The following SPICE1 variants were observed in gnomAD, a reference collection of about 807,000 sequenced individuals.
The protein encoded by SPICE1 is spindle and centriole associated protein 1.
Under a neutral mutation model 102.7 loss-of-function variants are expected in SPICE1, and 75 were observed. The ratio of observed to expected loss-of-function variants is 0.73; its 90% confidence interval spans 0.61 to 0.88. SPICE1 has a LOEUF of 0.88. Among genes scored for constraint, SPICE1 ranks in the 40% least tolerant of loss-of-function variants. SPICE1 has a pLI of 0.00. For missense variants in SPICE1, 979 were observed against 1,020.1 expected, an observed-to-expected ratio of 0.96 and a Z score of 0.55; for synonymous variants, 308 against 350.3, an observed-to-expected ratio of 0.88 and a Z score of 1.35.
chr3:113,475,866 AAC>A (rs1936331909), intron 7 of SPICE1, among the ~76,000 whole-genome samples: 1 of 151,858 alleles, frequency 6.6e-6, no homozygotes, highest in Admixed American at 6.6e-5. Flanking sequence ...TCCCTTTGAA[AAC>A]TGGCACAAGA....
At chr3:113,508,601 GACA>G (rs1468541968) in intron 1 of SPICE1, among the ~76,000 whole-genome samples, 1 of 152,124 alleles carries the variant, frequency 6.6e-6, no homozygotes, top group Non-Finnish European at 1.5e-5. Flanking sequence ...CAAAAAGACG[GACA>G]ACAACAAGCA....
Position 113,443,930 on chromosome 3 carries a change from T to C in SPICE1, c.*1377A>G, listed in dbSNP as rs1432151912. On this transcript the variant is annotated 3_prime_UTR_variant, in exon 18 of 18. Coordinates refer to ENST00000295872, the MANE Select transcript of SPICE1 (RefSeq NM_144718.4). Reference sequence around the variant, plus strand: ...TTTGTTTACAGCATAAGAATGATTATATGATAACTGTGGATGTTGTTATCA... The same window carrying C: ...TTTGTTTACAGCATAAGAATGATTACATGATAACTGTGGATGTTGTTATCA... 1 of 152,246 alleles carries C rather than the reference T, an allele frequency of 6.6e-6. No homozygotes were observed. The highest frequency in any genetic ancestry group is 1.5e-5 in the Non-Finnish European group (1 of 68,044). The allele number at this position is 152,246 out of a possible 1,614,324, so 9.4% of individuals were successfully genotyped here. A position where few individuals can be genotyped will look rare whatever the true frequency, so the allele number is the denominator to read the frequency against.
rs145303146 is a variant in SPICE1, at chr3:113,449,995, G to T, written c.2323+341C>A. The T allele has an allele frequency of 8.7e-5, 18 of 206,956 alleles. 1 individual carries two copies. The highest frequency in any genetic ancestry group is 1.9e-3 in the Middle Eastern group (1 of 514). 12.8% of individuals were successfully genotyped at this position (206,956 alleles called of 1,614,324 possible). ...TAATAACTTGTAATTCATTGCTGAT[G>T]AAATTCTAAATGAACATTCAGATAT... On this transcript the variant is annotated intron_variant, in intron 15 of 17. Coordinates refer to ENST00000295872, the MANE Select transcript of SPICE1 (RefSeq NM_144718.4).
At chr3:113,481,078 A>G (rs543755593) in intron 7 of SPICE1, among the ~76,000 whole-genome samples, 5 of 152,250 alleles carry the variant, frequency 3.3e-5, no homozygotes, top group South Asian at 2.1e-4. Context: ...AAAGAAACCA[A>G]TTAGAGGTGA....
chr3:113,457,918 T>A (rs1048452195), intron 12 of SPICE1, among the ~76,000 whole-genome samples: 1 of 152,162 alleles, frequency 6.6e-6, no homozygotes, highest in Non-Finnish European at 1.5e-5. Flanking sequence ...TTAATGGTCA[T>A]CACAAGTAAC....
rs765353630 is a variant in SPICE1, at chr3:113,499,447, T to C, written c.283A>G (p.Met95Val). 1 of 1,612,668 alleles carries C rather than the reference T, an allele frequency of 6.2e-7. No individual in the cohort carries two copies. The highest frequency in any genetic ancestry group is 8.5e-7 in the Non-Finnish European group (1 of 1,179,664). ...ATGCAGTTTAGCATTACCTCCTTCA[T>C]GATAGACAATCTTCTTTTCTCAAGA... ...LNLEKRRLSI[M>V]KEILSDQYQM... The change falls in exon 4 of 18, where the codon ATG (methionine) becomes GTG (valine). Residue 95 changes from methionine to valine, a missense_variant. Met to Val is a conservative substitution (Grantham distance 21, BLOSUM62 1). Transcript: ENST00000295872.
At chr3:113,509,367 C>T (rs747503281) in intron 1 of SPICE1, among the ~76,000 whole-genome samples, 1 of 151,996 alleles carries the variant, frequency 6.6e-6, no homozygotes, top group Non-Finnish European at 1.5e-5. Context: ...CATAAAATGT[C>T]AGTATACCTA....
At chr3:113,503,823 C>T (rs1384221950) in intron 2 of SPICE1, among the ~76,000 whole-genome samples, 2 of 151,328 alleles carry the variant, frequency 1.3e-5, no homozygotes, top group Admixed American at 1.3e-4. Context: ...ATTCCAGCTA[C>T]TCAGGAGGCT....
At position 113,457,136 on chromosome 3, in the gene SPICE1, C is replaced by G. The variant is rs748406693; in HGVS notation, c.1657G>C (p.Val553Leu). Reference sequence around the variant, plus strand: ...CATGTAACTTTAGAAGAAGACTTACCGTCCTGAAGAGGAGAGAATTTTAAG... The same window carrying G: ...CATGTAACTTTAGAAGAAGACTTACGGTCCTGAAGAGGAGAGAATTTTAAG... ...SNLKFSPLQD[V>L]LRRTVQTRPA... The change falls in exon 13 of 18, where the codon GTA (valine) becomes CTA (leucine). Residue 553 changes from valine to leucine, a missense_variant and splice_region_variant. By Grantham distance (32) the Val-to-Leu change is conservative (BLOSUM62 1). Transcript: ENST00000295872. 1 of 1,612,322 alleles carries G rather than the reference C, an allele frequency of 6.2e-7. No homozygotes were observed. Among genetic ancestry groups the G allele is most frequent in the Non-Finnish European group, 8.5e-7 (1 of 1,178,946 alleles).
intron 7 of SPICE1, among the ~76,000 whole-genome samples, chr3:113,478,244 AAAG>A (rs1349331981): frequency 6.6e-6 from 1 of 152,144 alleles, no homozygotes; most frequent in African/African-American, 2.4e-5. Context: ...ACTTCAATTA[AAAG>A]AAGAATATTT....
intron 7 of SPICE1, among the ~76,000 whole-genome samples, chr3:113,488,634 C>A (rs761818333): frequency 6.6e-6 from 1 of 152,142 alleles, no homozygotes; most frequent in African/African-American, 2.4e-5. Context: ...GAATAAAAAA[C>A]TGCATATTGG....
chr3:113,489,847 CAAAAAAAAAAA>C (rs35823502), intron 6 of SPICE1, among the ~76,000 whole-genome samples: 1 of 80,190 alleles, frequency 1.2e-5, no homozygotes, highest in African/African-American at 4.3e-5. Flanking sequence ...GACCCTGTCT[CAAAAAAAAAAA>C]AAAAAAAAAA....
intron 11 of SPICE1, among the ~76,000 whole-genome samples, 175 bp downstream of exon 11, chr3:113,465,478 C>A (rs1252664834): frequency 6.6e-6 from 1 of 152,190 alleles, no homozygotes; most frequent in Non-Finnish European, 1.5e-5. Flanking sequence ...CAAGCTTCTA[C>A]TATAGTACTT....
At chr3:113,467,729 T>C (rs554795698) in intron 10 of SPICE1, among the ~76,000 whole-genome samples, 8 of 152,298 alleles carry the variant, frequency 5.3e-5, no homozygotes, top group Non-Finnish European at 8.8e-5. Context: ...ACATATCAAG[T>C]CTACCGATTA....
intron 11 of SPICE1, among the ~76,000 whole-genome samples, chr3:113,463,029 C>T (rs146453336): frequency 2.9e-4 from 44 of 152,236 alleles, no homozygotes; most frequent in Admixed American, 1.1e-3. Flanking sequence ...ACACTCCCAC[C>T]GCAAGACCTT....
chr3:113,472,601 G>T (rs7651868), intron 7 of SPICE1, among the ~76,000 whole-genome samples: 2 of 152,126 alleles, frequency 1.3e-5, no homozygotes, highest in African/African-American at 4.8e-5. Context: ...CCAGAGGAAC[G>T]ATCAGACAGC....
At chr3:113,488,579 A>G (rs1028368550) in intron 7 of SPICE1, among the ~76,000 whole-genome samples, 2 of 152,190 alleles carry the variant, frequency 1.3e-5, no homozygotes, top group African/African-American at 4.8e-5. Context: ...GAGTGATATA[A>G]CAAACTTTGG....
chr3:113,506,341 T>C (rs376391867), intron 2 of SPICE1, among the ~76,000 whole-genome samples, 166 bp downstream of exon 2: 15 of 152,164 alleles, frequency 9.9e-5, no homozygotes, highest in East Asian at 5.8e-4. Context: ...CCCAAAGGAT[T>C]CTGCTTTTCC....
chr3:113,462,683 G>A (rs1295737588), intron 11 of SPICE1, among the ~76,000 whole-genome samples: 1 of 152,106 alleles, frequency 6.6e-6, no homozygotes, highest in African/African-American at 2.4e-5. Context: ...GGACATAGTT[G>A]TTTGGACTCA....
Sources: allele counts gnomAD v4.1 joint callset (sites outside exome capture counted in the v4.1 genomes callset), GRCh38; gene constraint gnomAD v4.1.1; transcripts MANE v1.5; gene names NCBI Gene and HGNC (gene_info 2026-07-23, HGNC 2026-07-21).